Variants in EVC2 observed in about 807,000 individuals in gnomAD.
The protein encoded by EVC2 is EvC ciliary complex subunit 2.
A neutral mutation model predicts 149.3 loss-of-function variants in EVC2; 148 were observed. The observed-to-expected ratio is 0.99, with a 90% CI of 0.87 to 1.14. The LOEUF is 1.14. EVC2 is among the 50% of genes most tolerant of loss of function. The pLI, the probability that EVC2 is intolerant of heterozygous loss-of-function variation, is 0.00. For synonymous variants in EVC2, 776 were observed against 649.9 expected (o/e 1.19, Z -2.95); for missense variants, 1,854 against 1,627.3 (o/e 1.14, Z -2.40).
At chr4:5,662,677 T>C (rs1314399408) in intron 9 of EVC2, among the ~76,000 whole-genome samples, 5 of 146,616 alleles carry the variant, frequency 3.4e-5, no homozygotes, top group Non-Finnish European at 6.0e-5. Context: ...TAAATATAAA[T>C]ATAATATTAA....
chr4:5,535,059 T>C, the EVC2 span, among the ~76,000 whole-genome samples: 4 of 152,074 alleles, frequency 2.6e-5, no homozygotes, highest in South Asian at 4.2e-4. The surrounding 1 kb of genome is among the most constrained non-coding windows in gnomAD (Gnocchi z 4.7). Context: ...TCAATACCAG[T>C]TTAAAGACAT....
At chr4:5,599,619 C>T (rs998315453) in intron 16 of EVC2, among the ~76,000 whole-genome samples, 5 of 152,164 alleles carry the variant, frequency 3.3e-5, no homozygotes, top group Admixed American at 6.5e-5. Context: ...ATACCTAATG[C>T]GAAATGACGA....
chr4:5,708,920 A>G (rs2013183), upstream of EVC2: 58,063 of 163,944 alleles, frequency 0.35, 12,458 homozygotes, highest in East Asian at 0.55. Context: ...ATCCCCGCTT[A>G]GAAAACGGAG....
chr4:5,602,042 A>T (rs913464506), intron 16 of EVC2, among the ~76,000 whole-genome samples: 5 of 152,230 alleles, frequency 3.3e-5, no homozygotes, highest in Non-Finnish European at 5.9e-5. Flanking sequence ...TGGGAGGGCA[A>T]GGCAGAAGAA....
intron 8 of EVC2, 138 bp from the exon 9 acceptor site, chr4:5,663,384 G>T: frequency 8.4e-7 from 1 of 1,190,644 alleles, no homozygotes; most frequent in Non-Finnish European, 1.2e-6. Flanking sequence ...AGTAAACCCA[G>T]ACAAGCTTTT....
At chr4:5,538,902 A>G (rs926796470), downstream of EVC2, among the ~76,000 whole-genome samples, 3 of 152,180 alleles carry the variant, frequency 2.0e-5, no homozygotes, top group Non-Finnish European at 4.4e-5. Flanking sequence ...AGTGGGTTAT[A>G]TCCGCTCTCA....
At chr4:5,650,157 G>C (rs1216714644) in intron 9 of EVC2, among the ~76,000 whole-genome samples, 1 of 152,078 alleles carries the variant, frequency 6.6e-6, no homozygotes, top group Non-Finnish European at 1.5e-5. Flanking sequence ...TCCTTAAAGG[G>C]GGCAAAGATG....
chr4:5,678,481 T>C (rs147849304), intron 7 of EVC2, among the ~76,000 whole-genome samples: 311 of 152,336 alleles, frequency 2.0e-3, no homozygotes, highest in Non-Finnish European at 2.8e-3. Flanking sequence ...CTTTTCATTG[T>C]AGTAAGTCAT....
chr4:5,556,023 C>T (rs1225969135), intron 21 of EVC2, among the ~76,000 whole-genome samples: 1 of 151,212 alleles, frequency 6.6e-6, no homozygotes, highest in Non-Finnish European at 1.5e-5. Flanking sequence ...ACTAAAAATA[C>T]AAAAAATTAG....
downstream of EVC2, among the ~76,000 whole-genome samples, chr4:5,540,562 G>A (rs1038660180): frequency 5.3e-5 from 8 of 152,182 alleles, no homozygotes; most frequent in African/African-American, 1.9e-4. Flanking sequence ...AGAAGTCAGA[G>A]TATATGCTGT....
downstream of EVC2, among the ~76,000 whole-genome samples, chr4:5,542,327 T>C (rs552664827): frequency 2.7e-4 from 41 of 152,230 alleles, no homozygotes; most frequent in African/African-American, 9.1e-4. Context: ...TAGTGGCGCA[T>C]GTCTGTGGTC....
intron 7 of EVC2, among the ~76,000 whole-genome samples, chr4:5,680,470 C>T (rs912175966): frequency 6.6e-6 from 1 of 152,138 alleles, no homozygotes; most frequent in African/African-American, 2.4e-5. Flanking sequence ...TGCGGGACCA[C>T]CTTCATATAT....
intron 16 of EVC2, among the ~76,000 whole-genome samples, chr4:5,586,356 G>A (rs1712278777): frequency 6.6e-6 from 1 of 151,836 alleles, no homozygotes. Flanking sequence ...ACCTTCAATT[G>A]ATATTATATC....
chr4:5,678,244 T>C (rs1252616404), intron 7 of EVC2, among the ~76,000 whole-genome samples: 1 of 152,182 alleles, frequency 6.6e-6, no homozygotes, highest in East Asian at 1.9e-4. Context: ...TCTTGGTATA[T>C]GCCAGGCAGA....
In EVC2 at chr4:5,677,656, T is replaced by C. The variant is rs909981633; in HGVS notation, c.870+3604A>G. Among the ~76,000 whole-genome samples the C allele has an allele frequency of 3.3e-5, 5 of 152,246 alleles. No homozygotes were observed. The highest frequency in any genetic ancestry group is 7.3e-5 in the Non-Finnish European group (5 of 68,038). On this transcript the variant is annotated intron_variant, in intron 7 of 21. Transcript: ENST00000344408. The surrounding 1 kb of genome is among the most constrained non-coding windows in gnomAD (Gnocchi z 4.3). ...CCTTACATGAGCATTCTCTGCCTTT[T>C]ATTACACTCATACAGCAACCAGCCA...
the EVC2 span, among the ~76,000 whole-genome samples, chr4:5,536,678 G>A: frequency 6.6e-6 from 1 of 151,982 alleles, no homozygotes; most frequent in East Asian, 1.9e-4. Flanking sequence ...CAGCTACTCG[G>A]GATGCTGAGG....
chr4:5,551,273 C>T (rs557019685), intron 21 of EVC2, among the ~76,000 whole-genome samples: 2 of 152,324 alleles, frequency 1.3e-5, no homozygotes, highest in Admixed American at 1.3e-4. Flanking sequence ...AGGAGGGGGG[C>T]TGTGCCCTTC....
At chr4:5,690,786 T>C (rs1326994966) in intron 4 of EVC2, among the ~76,000 whole-genome samples, 1 of 152,160 alleles carries the variant, frequency 6.6e-6, no homozygotes, top group Non-Finnish European at 1.5e-5. Flanking sequence ...ATACCCTTTC[T>C]CTGTAATGAA....
chr4:5,644,277 A>T (rs1717549414), intron 9 of EVC2, among the ~76,000 whole-genome samples: 1 of 152,148 alleles, frequency 6.6e-6, no homozygotes, highest in Non-Finnish European at 1.5e-5. Flanking sequence ...TTGAGACAAA[A>T]TATACATATA....
Sources: allele counts gnomAD v4.1 joint callset (sites outside exome capture counted in the v4.1 genomes callset), GRCh38; gene constraint gnomAD v4.1.1; non-coding constraint Gnocchi (gnomAD v3.1); transcripts MANE v1.5; gene names NCBI Gene and HGNC (gene_info 2026-07-23, HGNC 2026-07-21).